GRID2: variants seen among roughly 807,000 people sequenced by gnomAD.
The protein encoded by GRID2 is glutamate receptor ionotropic, delta-2.
Under a neutral mutation model 114.8 loss-of-function variants are expected in GRID2, and 33 were observed. That is an observed-to-expected ratio of 0.29 (90% CI 0.22 to 0.38). The LOEUF is 0.38. GRID2 is among the 10% of genes least tolerant of loss of function. The pLI is 1.00. For synonymous variants in GRID2, 505 were observed against 449.9 expected (o/e 1.12, Z -1.55); for missense variants, 1,184 against 1,257.7 (o/e 0.94, Z 0.89).
intron 1 of GRID2, among the ~76,000 whole-genome samples, chr4:92,582,228 C>T (rs1401159988): frequency 1.3e-5 from 2 of 151,624 alleles, no homozygotes; most frequent in Admixed American, 6.6e-5. Context: ...ATTTTATTGT[C>T]ACTCTCTTAG....
intron 8 of GRID2, among the ~76,000 whole-genome samples, chr4:93,339,754 G>A (rs904880600): frequency 6.6e-6 from 1 of 152,110 alleles, no homozygotes; most frequent in Non-Finnish European, 1.5e-5. Flanking sequence ...GGGAAGAGGT[G>A]TAATTGACTC....
chr4:92,447,916 G>A (rs1031497159), intron 1 of GRID2, among the ~76,000 whole-genome samples: 1 of 152,124 alleles, frequency 6.6e-6, no homozygotes, highest in African/African-American at 2.4e-5. Context: ...GGTGGAGGAG[G>A]ATCAAAAATT....
intron 2 of GRID2, among the ~76,000 whole-genome samples, chr4:92,841,084 G>A (rs1007217190): frequency 6.6e-6 from 1 of 151,972 alleles, no homozygotes; most frequent in Non-Finnish European, 1.5e-5. Flanking sequence ...TTGACTCAGA[G>A]ACAGATTATG....
At chr4:93,739,126 C>T (rs908478295) in intron 14 of GRID2, among the ~76,000 whole-genome samples, 10 of 152,112 alleles carry the variant, frequency 6.6e-5, no homozygotes, top group Non-Finnish European at 1.2e-4. Context: ...AGCTTCTTTG[C>T]TAAGCGTTGG....
chr4:92,723,412 G>A (rs1735906121), intron 2 of GRID2, among the ~76,000 whole-genome samples: 1 of 152,120 alleles, frequency 6.6e-6, no homozygotes, highest in Admixed American at 6.6e-5. Flanking sequence ...TATGTTGTAA[G>A]AGTTGTGTAA....
At chr4:93,042,259 CTCTCTCTCTCTCTCTT>C (rs1183122314) in intron 2 of GRID2, among the ~76,000 whole-genome samples, 46 of 97,444 alleles carry the variant, frequency 4.7e-4, no homozygotes, top group Admixed American at 1.8e-3. Context: ...CTCTCTCTCT[CTCTCTCTCTCTCTCTT>C]TCTCTCTCTC....
chr4:93,540,268 T>G (rs1732530747), intron 13 of GRID2, among the ~76,000 whole-genome samples: 1 of 152,008 alleles, frequency 6.6e-6, no homozygotes, highest in African/African-American at 2.4e-5. Flanking sequence ...TATATAAGGA[T>G]AGTGCTTTTG....
chr4:92,858,773 G>A (rs190776375), intron 2 of GRID2, among the ~76,000 whole-genome samples: 22 of 152,218 alleles, frequency 1.4e-4, no homozygotes, highest in African/African-American at 3.9e-4. Context: ...TAGCCAGGAT[G>A]GTCTCGATCT....
chr4:92,910,467 T>A (rs1748290049), intron 2 of GRID2, among the ~76,000 whole-genome samples: 1 of 152,168 alleles, frequency 6.6e-6, no homozygotes, highest in Non-Finnish European at 1.5e-5. Flanking sequence ...TGATTTTATT[T>A]GATTTAAAAA....
intron 1 of GRID2, among the ~76,000 whole-genome samples, chr4:92,442,213 C>T (rs1038952849): frequency 2.6e-5 from 4 of 150,986 alleles, no homozygotes; most frequent in South Asian, 4.2e-4. Flanking sequence ...CCGAGGCGAT[C>T]GGGCGGTGTT....
At chr4:93,210,978 T>A (rs1560990957) in intron 5 of GRID2, among the ~76,000 whole-genome samples, 1 of 152,092 alleles carries the variant, frequency 6.6e-6, no homozygotes. Context: ...TTCATGTCAA[T>A]CAACCTTACT....
chr4:93,182,375 T>G (rs1739978563), intron 4 of GRID2, among the ~76,000 whole-genome samples: 2 of 152,190 alleles, frequency 1.3e-5, no homozygotes, highest in Admixed American at 1.3e-4. Context: ...GTGTGATTTT[T>G]ATGTGTGAAA....
intron 13 of GRID2, among the ~76,000 whole-genome samples, chr4:93,617,744 G>A (rs1027912386): frequency 2.0e-4 from 30 of 152,158 alleles, no homozygotes; most frequent in Non-Finnish European, 1.5e-5. Flanking sequence ...ACAAAGGACT[G>A]TTAATACTCA....
intron 2 of GRID2, among the ~76,000 whole-genome samples, chr4:92,952,351 C>T (rs777197071): frequency 4.6e-5 from 7 of 152,090 alleles, no homozygotes; most frequent in East Asian, 3.8e-4. Context: ...CAATCGTAGA[C>T]GACCTTTATT....
chr4:92,576,775 A>G (rs1027514795), intron 1 of GRID2, among the ~76,000 whole-genome samples: 1 of 151,966 alleles, frequency 6.6e-6, no homozygotes, highest in Admixed American at 6.6e-5. Context: ...CGCTTCCCTT[A>G]GCTGGTATTG....
At chr4:92,417,760 G>T (rs1379754019) in intron 1 of GRID2, among the ~76,000 whole-genome samples, 5 of 152,108 alleles carry the variant, frequency 3.3e-5, no homozygotes, top group Non-Finnish European at 2.9e-5. Flanking sequence ...ATCTCACCTT[G>T]AATTGTAATA....
At chr4:93,310,786 G>T (rs1214618325) in intron 8 of GRID2, among the ~76,000 whole-genome samples, 1 of 152,194 alleles carries the variant, frequency 6.6e-6, no homozygotes, top group African/African-American at 2.4e-5. Flanking sequence ...TGGGATCCAG[G>T]AGTTTAAGGT....
intron 2 of GRID2, among the ~76,000 whole-genome samples, chr4:92,975,021 G>A (rs1351472289): frequency 1.3e-5 from 2 of 151,846 alleles, no homozygotes; most frequent in African/African-American, 4.8e-5. Context: ...GCCGGGCATG[G>A]TGGCAGGTGC....
intron 10 of GRID2, among the ~76,000 whole-genome samples, chr4:93,453,338 G>GAA (rs1553932522): frequency 2.0e-5 from 3 of 150,704 alleles, no homozygotes; most frequent in African/African-American, 7.3e-5. Context: ...GAGAGAGAGA[G>GAA]AGAGAGAGAG....
Sources: gnomAD v4.1 joint callset for allele counts (sites outside exome capture counted in the v4.1 genomes callset) on GRCh38, gnomAD v4.1.1 for gene constraint, MANE v1.5 for transcripts, NCBI Gene and HGNC (gene_info 2026-07-23, HGNC 2026-07-21) for gene names.